Variants in HDAC9 observed in about 807,000 individuals in gnomAD.
HDAC9 encodes the protein MEF-2 interacting transcription repressor (MITR) protein.
A neutral mutation model predicts 139.4 loss-of-function variants in HDAC9; 41 were observed. The ratio of observed to expected loss-of-function variants is 0.29; its 90% CI spans 0.23 to 0.38. The LOEUF is 0.38. Among genes scored for constraint, HDAC9 ranks in the 10% least tolerant of loss-of-function variants. The pLI is 1.00. For missense variants in HDAC9, 1,147 were observed against 1,297.0 expected (o/e 0.88, Z 1.78); for synonymous variants, 517 against 476.2 (o/e 1.09, Z -1.12).
intron 9 of HDAC9, 120 bp from the exon 10 acceptor site, chr7:18,647,665 G>A (rs890641217): frequency 1.5e-5 from 11 of 758,338 alleles, no homozygotes; most frequent in Middle Eastern, 2.4e-4. Context: ...CTCAGCCATT[G>A]GGTAAGATGG....
intron 2 of HDAC9, among the ~76,000 whole-genome samples, chr7:18,524,897 CACACAT>C (rs920275695): frequency 6.6e-6 from 1 of 151,210 alleles, no homozygotes; most frequent in African/African-American, 2.4e-5. Context: ...CACACACACA[CACACAT>C]TACAGATAAG....
At position 18,911,797 on chromosome 7, in the gene HDAC9, T is replaced by C. The variant is rs184344672; in HGVS notation, c.2804-24012T>C. ...ATGTTGTTTAATATCCATGTATTTG[T>C]ACAGTTTCCAAAATTCCTCTTGTTA... On this transcript the variant is annotated intron_variant, in intron 22 of 25. Coordinates refer to ENST00000686413, the MANE Select transcript of HDAC9 (RefSeq NM_178425.4). Among the ~76,000 whole-genome samples the C allele has an allele frequency of 2.0e-5, 3 of 152,158 alleles. No homozygotes were observed. In the East Asian group the frequency reaches 5.8e-4, roughly 29 times the overall value.
At chr7:18,365,023 A>C (rs1414220891) in intron 1 of HDAC9, among the ~76,000 whole-genome samples, 4 of 152,124 alleles carry the variant, frequency 2.6e-5, no homozygotes, top group Non-Finnish European at 4.4e-5. Flanking sequence ...AGACATGGAT[A>C]GCTAAGAGAT....
intron 6 of HDAC9, among the ~76,000 whole-genome samples, chr7:18,609,900 G>A (rs1383568128): frequency 1.3e-5 from 2 of 151,646 alleles, no homozygotes; most frequent in South Asian, 2.1e-4. Flanking sequence ...TTGTCCTTGC[G>A]AGTTTGCTGA....
At chr7:18,898,246 TA>T (rs1400871953) in intron 22 of HDAC9, among the ~76,000 whole-genome samples, 1 of 151,898 alleles carries the variant, frequency 6.6e-6, no homozygotes, top group Non-Finnish European at 1.5e-5. Context: ...AATATATTTG[TA>T]AAATAATATT....
intron 14 of HDAC9, among the ~76,000 whole-genome samples, chr7:18,754,756 G>A (rs1788736473): frequency 6.6e-6 from 1 of 152,088 alleles, no homozygotes; most frequent in Non-Finnish European, 1.5e-5. Context: ...AAAGTGGAGA[G>A]CAAGTTTAGT....
chr7:18,140,895 G>T (rs555469569), intron 1 of HDAC9, among the ~76,000 whole-genome samples: 5 of 150,432 alleles, frequency 3.3e-5, no homozygotes, highest in Non-Finnish European at 5.9e-5. Context: ...TAAATGGGGA[G>T]CCAAACTTTA....
intron 18 of HDAC9, 54 bp downstream of exon 18, chr7:18,829,270 C>G: frequency 7.2e-7 from 1 of 1,391,106 alleles, no homozygotes; most frequent in Non-Finnish European, 1.0e-6. Flanking sequence ...CTGGCGGTCA[C>G]CTGCCCCGTG....
intron 1 of HDAC9, among the ~76,000 whole-genome samples, chr7:18,436,374 G>A (rs570196583): frequency 3.9e-4 from 60 of 152,260 alleles, no homozygotes; most frequent in Middle Eastern, 3.4e-3. Flanking sequence ...TGGTGTAATC[G>A]TATTAGGAAT....
intron 12 of HDAC9, among the ~76,000 whole-genome samples, chr7:18,674,628 A>G (rs908960648): frequency 6.6e-6 from 1 of 152,002 alleles, no homozygotes; most frequent in Non-Finnish European, 1.5e-5. Context: ...GCTGAACTTT[A>G]TTTTAATGGT....
chr7:18,979,164 A>AGTC (rs1424978181), intron 25 of HDAC9, among the ~76,000 whole-genome samples: 1 of 152,132 alleles, frequency 6.6e-6, no homozygotes, highest in Non-Finnish European at 1.5e-5. Context: ...TATTATTCAA[A>AGTC]GTCTGACCAC....
At chr7:18,955,691 G>A (rs2129325383) in intron 24 of HDAC9, among the ~76,000 whole-genome samples, 1 of 152,184 alleles carries the variant, frequency 6.6e-6, no homozygotes, top group Non-Finnish European at 1.5e-5. Context: ...GTAAATAATT[G>A]CAATACAGTA....
Position 18,881,891 on chromosome 7 carries a change from A to G in HDAC9, c.2803+7295A>G, listed in dbSNP as rs77768535. Among the ~76,000 whole-genome samples the G allele has an allele frequency of 4.4e-3, 664 of 152,228 alleles. 8 individuals are homozygous for G. The highest frequency in any genetic ancestry group is 3.7e-3 in the Non-Finnish European group (249 of 67,984). On this transcript the variant is annotated intron_variant, in intron 22 of 25. Coordinates refer to ENST00000686413, the MANE Select transcript of HDAC9 (RefSeq NM_178425.4). Reference sequence around the variant, plus strand: ...AGTGTCTAGAAGTCACCTACCCACCAGGTACCACTTCATGAAGGGTCAACC... The same window carrying G: ...AGTGTCTAGAAGTCACCTACCCACCGGGTACCACTTCATGAAGGGTCAACC...
At chr7:18,300,398 T>C (rs1229543272) in intron 1 of HDAC9, among the ~76,000 whole-genome samples, 1 of 152,104 alleles carries the variant, frequency 6.6e-6, no homozygotes, top group Admixed American at 6.5e-5. Flanking sequence ...CTTCTATACA[T>C]GTCAGGTTTT....
intron 8 of HDAC9, among the ~76,000 whole-genome samples, chr7:18,635,194 T>C (rs574955586): frequency 6.6e-6 from 1 of 151,836 alleles, no homozygotes; most frequent in African/African-American, 2.4e-5. Flanking sequence ...AGTAGACACA[T>C]CAGTAAGTAA....
intron 1 of HDAC9, among the ~76,000 whole-genome samples, chr7:18,381,104 C>T (rs1029599143): frequency 2.1e-5 from 3 of 143,314 alleles, no homozygotes; most frequent in Admixed American, 7.4e-5. Flanking sequence ...GAGACCAAGG[C>T]ACAAGAATTG....
At chr7:18,149,721 A>T (rs952211008) in intron 1 of HDAC9, among the ~76,000 whole-genome samples, 5 of 150,670 alleles carry the variant, frequency 3.3e-5, no homozygotes, top group Non-Finnish European at 5.9e-5. Context: ...CAACTAATTT[A>T]GTTTTTGTAT....
At chr7:18,236,306 T>G (rs1309219765) in intron 2 of HDAC9, among the ~76,000 whole-genome samples, 2 of 152,162 alleles carry the variant, frequency 1.3e-5, no homozygotes, top group Non-Finnish European at 2.9e-5. Flanking sequence ...GTGACTTTGT[T>G]GCTTCCTGAA....
intron 12 of HDAC9, among the ~76,000 whole-genome samples, chr7:18,710,124 C>T (rs138204699): frequency 6.6e-5 from 10 of 152,266 alleles, no homozygotes; most frequent in African/African-American, 2.2e-4. Context: ...AGGGGAACTG[C>T]GCTATATAAA....
Sources: gnomAD v4.1 joint callset for allele counts (sites outside exome capture counted in the v4.1 genomes callset) on GRCh38, gnomAD v4.1.1 for gene constraint, MANE v1.5 for transcripts, NCBI Gene and HGNC (gene_info 2026-07-23, HGNC 2026-07-21) for gene names.